The following KIAA0753 variants were observed in gnomAD, a reference collection of about 807,000 sequenced individuals.
KIAA0753 encodes protein moonraker.
Under a neutral mutation model 116.9 loss-of-function variants are expected in KIAA0753, and 114 were observed. The observed-to-expected ratio is 0.98, with a 90% CI of 0.84 to 1.14. The LOEUF (loss-of-function observed/expected upper bound fraction) is 1.14, where lower values mean the gene tolerates loss of function less well. KIAA0753 is among the 50% of genes most tolerant of loss of function. KIAA0753 has a pLI of 0.00. For missense variants in KIAA0753, 1,156 were observed against 1,172.4 expected (o/e 0.99, Z 0.20); for synonymous variants, 405 against 413.1 (o/e 0.98, Z 0.24).
intron 16 of KIAA0753, among the ~76,000 whole-genome samples, chr17:6,594,679 T>C (rs1379535296): frequency 6.6e-6 from 1 of 152,154 alleles, no homozygotes; most frequent in Non-Finnish European, 1.5e-5. Context: ...TATCTGTAAA[T>C]TTTATCTTGA....
intron 16 of KIAA0753, among the ~76,000 whole-genome samples, chr17:6,592,903 T>C (rs1371942190): frequency 6.6e-6 from 1 of 152,010 alleles, no homozygotes; most frequent in African/African-American, 2.4e-5. Flanking sequence ...AAAAAAAAAT[T>C]TGTAAAACCT....
At chr17:6,626,078 G>C (rs1447623607) in intron 3 of KIAA0753, among the ~76,000 whole-genome samples, 2 of 152,188 alleles carry the variant, frequency 1.3e-5, no homozygotes, top group Non-Finnish European at 1.5e-5. Context: ...TGAGTGTCTA[G>C]AGTCTTCATG....
At chr17:6,584,666 C>G (rs1293927090) in intron 18 of KIAA0753, among the ~76,000 whole-genome samples, 2 of 152,188 alleles carry the variant, frequency 1.3e-5, no homozygotes, top group African/African-American at 4.8e-5. Context: ...TTTCTATGCT[C>G]ACTGAAAAAT....
chr17:6,586,063 G>GGA (rs1968551445), intron 18 of KIAA0753, among the ~76,000 whole-genome samples: 1 of 151,636 alleles, frequency 6.6e-6, no homozygotes, highest in Non-Finnish European at 1.5e-5. Context: ...CTTTGGTGCT[G>GGA]TCTTTCTTCA....
chr17:6,632,845 T>C (rs1972092219), intron 2 of KIAA0753, among the ~76,000 whole-genome samples: 1 of 152,048 alleles, frequency 6.6e-6, no homozygotes, highest in Non-Finnish European at 1.5e-5. Context: ...CACAAATAAC[T>C]GGCCTATATT....
chr17:6,622,708 G>T (rs1215558006), intron 6 of KIAA0753, among the ~76,000 whole-genome samples, 174 bp downstream of exon 6: 3 of 152,200 alleles, frequency 2.0e-5, no homozygotes, highest in Non-Finnish European at 4.4e-5. Flanking sequence ...CGATAATACA[G>T]ACTACACTGT....
intron 17 of KIAA0753, 24 bp from the exon 18 acceptor site, chr17:6,590,027 A>G (rs757797953): frequency 6.7e-7 from 1 of 1,486,534 alleles, no homozygotes; most frequent in Non-Finnish European, 9.0e-7. Context: ...AAAATGATGA[A>G]AGCATTCAAG....
intron 13 of KIAA0753, 95 bp from the exon 14 acceptor site, chr17:6,599,415 T>G: frequency 1.2e-6 from 1 of 853,590 alleles, no homozygotes; most frequent in Non-Finnish European, 1.9e-6. Context: ...TGTGTGGAAC[T>G]ATTCATCAGC....
Position 6,608,387 on chromosome 17 carries a change from T to A in KIAA0753, c.1790A>T (p.Glu597Val), listed in dbSNP as rs745410220. The change falls in exon 10 of 19, where the codon GAA becomes GTA. Residue 597 changes from glutamate (E) to valine (V), a missense_variant. By Grantham distance (121) the Glu-to-Val change is moderately radical. Coordinates refer to ENST00000361413, the MANE Select transcript of KIAA0753 (RefSeq NM_014804.3). Reference protein sequence around the residue: ...EPLQQEDPQEESHLTGAVEHE... With the variant: ...EPLQQEDPQEVSHLTGAVEHE... Reference sequence around the variant, plus strand: ...CTCAACAGCACCTGTCAGGTGACTTTCCTCTTGAGGATCTTCTTGCTGGAG... The same window carrying A: ...CTCAACAGCACCTGTCAGGTGACTTACCTCTTGAGGATCTTCTTGCTGGAG... 6.4e-7 allele frequency: 1 copy of A among 1,558,170 alleles called. No homozygotes were observed. The highest frequency in any genetic ancestry group is 1.4e-5 in the African/African-American group (1 of 72,850).
chr17:6,586,769 G>C (rs371089032), intron 18 of KIAA0753, among the ~76,000 whole-genome samples: 15 of 152,220 alleles, frequency 9.9e-5, no homozygotes, highest in African/African-American at 3.6e-4. Flanking sequence ...ACCTGCTCAA[G>C]CTAATTGCTG....
intron 7 of KIAA0753, among the ~76,000 whole-genome samples, chr17:6,618,891 T>C (rs753729012): frequency 1.4e-4 from 22 of 152,086 alleles, no homozygotes; most frequent in Non-Finnish European, 4.4e-5. Context: ...TTAATCTCAT[T>C]AAATGTAAGT....
At chr17:6,586,863 C>G (rs767185160) in intron 18 of KIAA0753, among the ~76,000 whole-genome samples, 1 of 152,200 alleles carries the variant, frequency 6.6e-6, no homozygotes, top group Non-Finnish European at 1.5e-5. Flanking sequence ...ACCCAAGAGG[C>G]TTTAGATGAA....
intron 6 of KIAA0753, among the ~76,000 whole-genome samples, chr17:6,621,976 A>G (rs1027328696): frequency 6.6e-6 from 1 of 152,190 alleles, no homozygotes; most frequent in African/African-American, 2.4e-5. Flanking sequence ...TGAAACTGTG[A>G]AGGCAGAAGT....
rs138291342 is a variant in KIAA0753, at chr17:6,579,703, T to A, written c.*44A>T. ...TGGGCCAAAACAAAGGGTGGTGCCATCCCTTCTCCAGTGTGACACAAATGG... is the reference window on the plus strand; with the variant it reads ...TGGGCCAAAACAAAGGGTGGTGCCAACCCTTCTCCAGTGTGACACAAATGG... On this transcript the variant is annotated 3_prime_UTR_variant, in exon 19 of 19. Transcript: ENST00000361413. 68 of 1,330,828 alleles carry A rather than the reference T, an allele frequency of 5.1e-5. No homozygotes were observed. In the Middle Eastern group the frequency reaches 7.3e-4, roughly 14 times the overall value. 82.4% of individuals were successfully genotyped at this position (1,330,828 alleles called of 1,614,324 possible).
At chr17:6,615,610 G>A (rs557974450) in intron 7 of KIAA0753, among the ~76,000 whole-genome samples, 87 of 67,972 alleles carry the variant, frequency 1.3e-3, no homozygotes, top group African/African-American at 6.0e-3. Context: ...GCGAGACTCC[G>A]TCTCAAAAAA....
chr17:6,599,473 A>G (rs1969705103), intron 13 of KIAA0753, among the ~76,000 whole-genome samples, 153 bp from the exon 14 acceptor site: 4 of 152,238 alleles, frequency 2.6e-5, no homozygotes, highest in African/African-American at 4.8e-5. Context: ...CTTTGTCTTC[A>G]TGGAAACAAA....
At chr17:6,584,639 T>A (rs1458030589) in intron 18 of KIAA0753, among the ~76,000 whole-genome samples, 1 of 152,192 alleles carries the variant, frequency 6.6e-6, no homozygotes, top group African/African-American at 2.4e-5. Flanking sequence ...CCCACTACTC[T>A]AATCTGGATT....
At chr17:6,624,711 G>A (rs766711627) in intron 4 of KIAA0753, 44 bp downstream of exon 4, 9 of 1,262,966 alleles carry the variant, frequency 7.1e-6, no homozygotes, top group South Asian at 1.3e-5. Flanking sequence ...TAAGGAAGCA[G>A]TACACAAGGC....
In KIAA0753 at chr17:6,635,039, C is replaced by T. The variant is rs1972230104; in HGVS notation, c.65G>A (p.Arg22Lys). ...HLAPRTQLDG[R>K]SDPKVLQTQN... ...GGTCTGAAGTACTTTGGGGTCGCTC[C>T]TCCCATCAAGTTGGGTCCTAGGTGC... Residue 22 changes from arginine (R) to lysine (K), a missense_variant, in exon 2 of 19, where the codon AGG becomes AAG. Arg to Lys is a conservative substitution (Grantham distance 26). Coordinates refer to ENST00000361413, the MANE Select transcript of KIAA0753 (RefSeq NM_014804.3). The T allele has an allele frequency of 1.2e-6, 2 of 1,613,196 alleles. No individual in the cohort carries two copies. The highest frequency in any genetic ancestry group is 2.2e-5 in the East Asian group (1 of 44,848).
Sources: gnomAD v4.1 joint callset for allele counts (sites outside exome capture counted in the v4.1 genomes callset) on GRCh38, gnomAD v4.1.1 for gene constraint, MANE v1.5 for transcripts, NCBI Gene and HGNC (gene_info 2026-07-23, HGNC 2026-07-21) for gene names.